The following NEO1 variants were observed in gnomAD, a reference collection of about 807,000 sequenced individuals.
NEO1 encodes neogenin.
Under a neutral mutation model 159.7 loss-of-function variants are expected in NEO1, and 63 were observed. The ratio of observed to expected loss-of-function variants is 0.39; its 90% confidence interval spans 0.32 to 0.49. The LOEUF (loss-of-function observed/expected upper bound fraction) is 0.49, where lower values mean the gene tolerates loss of function less well. Ranked by LOEUF, NEO1 falls within the 20% of genes least tolerant of loss-of-function variation. The pLI is 0.85. For missense variants in NEO1, 1,615 were observed against 1,831.0 expected (o/e 0.88, Z 2.15); for synonymous variants, 633 against 662.0 (o/e 0.96, Z 0.67).
At chr15:73,160,766 C>A (rs1344637099) in intron 5 of NEO1, among the ~76,000 whole-genome samples, 1 of 152,166 alleles carries the variant, frequency 6.6e-6, no homozygotes, top group African/African-American at 2.4e-5. Flanking sequence ...CTTCAGGAAC[C>A]TGCATGAGTT....
At chr15:73,097,780 T>A (rs2070153566) in intron 1 of NEO1, among the ~76,000 whole-genome samples, 1 of 76,304 alleles carries the variant, frequency 1.3e-5, no homozygotes, top group Non-Finnish European at 3.9e-5. Context: ...ACTAGCCTTT[T>A]TTTTTTTTTT....
At chr15:73,283,198 G>T in intron 23 of NEO1, 87 bp downstream of exon 23, 3 of 1,405,764 alleles carry the variant, frequency 2.1e-6, no homozygotes, top group Non-Finnish European at 1.9e-6. Flanking sequence ...GGTACACAAA[G>T]TTAAGACATA....
chr15:73,158,237 A>AT (rs887960407), intron 5 of NEO1, among the ~76,000 whole-genome samples: 6 of 92,014 alleles, frequency 6.5e-5, no homozygotes, highest in Non-Finnish European at 9.7e-5. Flanking sequence ...TTTTTTTACA[A>AT]TTTTTTCTTC....
intron 1 of NEO1, among the ~76,000 whole-genome samples, chr15:73,058,547 T>A: frequency 6.6e-6 from 1 of 152,218 alleles, no homozygotes; most frequent in East Asian, 1.9e-4. Context: ...ATATTTTGGA[T>A]TCCCCCATAT....
intron 5 of NEO1, among the ~76,000 whole-genome samples, chr15:73,168,387 G>T (rs2034725235): frequency 3.0e-5 from 3 of 98,904 alleles, no homozygotes; most frequent in East Asian, 3.6e-4. Context: ...GGTGGGGGGG[G>T]GGGGTCTCAC....
chr15:73,053,821 T>G (rs1170569936), intron 1 of NEO1, among the ~76,000 whole-genome samples: 1 of 152,264 alleles, frequency 6.6e-6, no homozygotes, highest in Non-Finnish European at 1.5e-5. Context: ...TCGTGTGAGA[T>G]ATGATATTTT....
chr15:73,261,553 A>T (rs1313869828), intron 15 of NEO1, among the ~76,000 whole-genome samples: 4 of 152,188 alleles, frequency 2.6e-5, no homozygotes, highest in Non-Finnish European at 5.9e-5. Context: ...ATTGGAATTA[A>T]AATAACAATA....
chr15:73,082,691 T>C (rs1339008993), intron 1 of NEO1, among the ~76,000 whole-genome samples: 1 of 152,060 alleles, frequency 6.6e-6, no homozygotes, highest in Non-Finnish European at 1.5e-5. Context: ...CTCAAATGAA[T>C]TATTAATACA....
intron 7 of NEO1, among the ~76,000 whole-genome samples, chr15:73,211,182 C>G (rs1025925580): frequency 7.2e-5 from 11 of 152,154 alleles, no homozygotes. Context: ...AGGCCTCTTG[C>G]TGTAAACAGC....
intron 15 of NEO1, among the ~76,000 whole-genome samples, chr15:73,263,490 C>T (rs773441821): frequency 2.6e-5 from 4 of 151,934 alleles, no homozygotes; most frequent in African/African-American, 2.4e-5. Flanking sequence ...CCACTGCACC[C>T]GGCCTCATTG....
At chr15:73,094,393 T>C (rs904574456) in intron 1 of NEO1, among the ~76,000 whole-genome samples, 1 of 152,238 alleles carries the variant, frequency 6.6e-6, no homozygotes, top group Non-Finnish European at 1.5e-5. Context: ...CTTGTATTAG[T>C]ATTTCATTCC....
rs994424483 is a variant in NEO1 at position 73,282,976 on chromosome 15, C to T, written c.3275C>T (p.Pro1092Leu). 6.2e-7 allele frequency: 1 copy of T among 1,613,930 alleles called. No individual in the cohort carries two copies. Among genetic ancestry groups the T allele is most frequent in the African/African-American group, 1.3e-5 (1 of 74,934 alleles). ...YKPPMSGSNS[P>L]HGSPTSPLDS... ...TCTCTCTCTGCAGGCAGTAACAGCCCTCATGGGAGCCCCACCTCTCCTCTG... is the reference window on the plus strand; with the variant it reads ...TCTCTCTCTGCAGGCAGTAACAGCCTTCATGGGAGCCCCACCTCTCCTCTG... The change falls in exon 23 of 29, where the codon CCT (proline) becomes CTT (leucine). Residue 1092 changes from proline to leucine, a missense_variant. Around this residue, in one of 3 missense-constraint regions of NEO1, gnomAD observed 471 missense variants for 498.9 expected, o/e 0.94. Transcript: ENST00000261908.
chr15:73,179,591 A>G (rs1007801755), intron 7 of NEO1, among the ~76,000 whole-genome samples: 1 of 152,162 alleles, frequency 6.6e-6, no homozygotes, highest in Admixed American at 6.5e-5. Context: ...CTGTATCTCC[A>G]TTGCCTTCTA....
At chr15:73,057,503 G>A (rs1049741092) in intron 1 of NEO1, among the ~76,000 whole-genome samples, 5 of 152,166 alleles carry the variant, frequency 3.3e-5, no homozygotes, top group Non-Finnish European at 5.9e-5. Flanking sequence ...AATGACTGTA[G>A]GTAAGATCAT....
chr15:73,225,005 T>G (rs1194895400), intron 7 of NEO1, among the ~76,000 whole-genome samples: 1 of 152,162 alleles, frequency 6.6e-6, no homozygotes, highest in Non-Finnish European at 1.5e-5. Flanking sequence ...GTTCCCTTGA[T>G]GTAGTCTCTC....
chr15:73,071,350 G>A (rs1335009741), intron 1 of NEO1, among the ~76,000 whole-genome samples: 1 of 152,094 alleles, frequency 6.6e-6, no homozygotes, highest in Non-Finnish European at 1.5e-5. Flanking sequence ...AGCATCTGAT[G>A]GATTTTGTAT....
chr15:73,209,481 G>A (rs903925833), intron 7 of NEO1, among the ~76,000 whole-genome samples: 1 of 152,106 alleles, frequency 6.6e-6, no homozygotes, highest in Admixed American at 6.5e-5. Context: ...TTGGACTCTT[G>A]TTATTTTTCT....
At chr15:73,106,787 A>C (rs1006710010) in intron 1 of NEO1, among the ~76,000 whole-genome samples, 4 of 152,196 alleles carry the variant, frequency 2.6e-5, no homozygotes, top group Non-Finnish European at 5.9e-5. Flanking sequence ...GGGGAATTGA[A>C]ATAATTAATG....
intron 11 of NEO1, 63 bp from the exon 12 acceptor site, chr15:73,253,337 C>G: frequency 1.1e-6 from 1 of 940,842 alleles, no homozygotes; most frequent in East Asian, 2.6e-5. Context: ...CCAAGATGAT[C>G]ACATGATGGG....
Sources: gnomAD v4.1 joint callset for allele counts (sites outside exome capture counted in the v4.1 genomes callset) on GRCh38, gnomAD v4.1.1 for gene constraint, gnomAD v4.1.1 regional missense constraint, MANE v1.5 for transcripts, NCBI Gene and HGNC (gene_info 2026-07-23, HGNC 2026-07-21) for gene names.